NCAM2: variants seen among roughly 807,000 people sequenced by gnomAD.
The protein encoded by NCAM2 is N-CAM-2.
NCAM2 carries 30 observed loss-of-function variants against 98.1 expected under a neutral mutation model. The ratio of observed to expected loss-of-function variants is 0.31; its 90% CI spans 0.23 to 0.41. The LOEUF (loss-of-function observed/expected upper bound fraction) is 0.41, where lower values mean the gene tolerates loss of function less well. Ranked by LOEUF, NCAM2 falls within the 10% of genes least tolerant of loss-of-function variation. NCAM2 has a pLI of 1.00. For synonymous variants in NCAM2, 368 were observed against 342.4 expected, an observed-to-expected ratio of 1.07 and a Z score of -0.83; for missense variants, 867 against 1,005.8, an observed-to-expected ratio of 0.86 and a Z score of 1.87.
chr21:21,049,882 A>G (rs879259096), intron 1 of NCAM2, among the ~76,000 whole-genome samples: 35 of 152,206 alleles, frequency 2.3e-4, no homozygotes, highest in Admixed American at 5.9e-4. Flanking sequence ...AAAAAAAAAA[A>G]AATTGTTAAT....
At chr21:21,075,761 A>C (rs1468522947) in intron 1 of NCAM2, among the ~76,000 whole-genome samples, 1 of 152,214 alleles carries the variant, frequency 6.6e-6, no homozygotes, top group Non-Finnish European at 1.5e-5. Flanking sequence ...CGAAATAAAC[A>C]TATAGTTTTT....
chr21:21,168,961 G>A (rs538731702), intron 1 of NCAM2, among the ~76,000 whole-genome samples: 12 of 152,160 alleles, frequency 7.9e-5, no homozygotes, highest in Admixed American at 5.9e-4. Context: ...CATGTGGAGA[G>A]GCAAAAGACC....
At chr21:21,190,014 G>C (rs1239188993) in intron 1 of NCAM2, among the ~76,000 whole-genome samples, 2 of 152,190 alleles carry the variant, frequency 1.3e-5, no homozygotes, top group Admixed American at 1.3e-4. Flanking sequence ...CAGCTGCTAA[G>C]TTGCGATCAT....
intron 8 of NCAM2, among the ~76,000 whole-genome samples, chr21:21,343,760 A>G (rs920709723): frequency 9.2e-5 from 14 of 152,162 alleles, no homozygotes; most frequent in African/African-American, 3.4e-4. Flanking sequence ...GTGAGGACCA[A>G]AGTGCTCTGT....
intron 11 of NCAM2, among the ~76,000 whole-genome samples, chr21:21,422,709 A>T (rs925822651): frequency 2.0e-5 from 3 of 152,172 alleles, no homozygotes; most frequent in African/African-American, 7.2e-5. Flanking sequence ...CCAAATATTA[A>T]CTAGAAATAT....
chr21:21,071,872 T>TATCC (rs2065573415), intron 1 of NCAM2, among the ~76,000 whole-genome samples: 1 of 7,184 alleles, frequency 1.4e-4, no homozygotes, highest in African/African-American at 2.9e-4. Context: ...CATGTCTGCC[T>TATCC]ATCTATCTAT....
chr21:21,159,947 G>A (rs1162418680), intron 1 of NCAM2, among the ~76,000 whole-genome samples: 1 of 152,018 alleles, frequency 6.6e-6, no homozygotes, highest in East Asian at 1.9e-4. Flanking sequence ...TACTGGGAAA[G>A]AAAGAGCCCC....
At chr21:21,261,159 C>T (rs557554649) in intron 1 of NCAM2, among the ~76,000 whole-genome samples, 18 of 152,020 alleles carry the variant, frequency 1.2e-4, no homozygotes, top group Non-Finnish European at 2.5e-4. Flanking sequence ...ATTTAACTGT[C>T]CTAGATATGT....
Position 21,542,289 on chromosome 21 carries a change from T to G in NCAM2, c.*4332T>G, listed in dbSNP as rs1357769776. The G allele has an allele frequency of 6.6e-6, 1 of 151,786 alleles. No individual in the cohort carries two copies. Among genetic ancestry groups the G allele is most frequent in the Non-Finnish European group, 1.5e-5 (1 of 67,814 alleles). The allele number at this position is 151,786 out of a possible 1,614,324, so 9.4% of individuals were successfully genotyped here. ...ACAATTATACAAGAATGCGAATAGA[T>G]TAATTATATCTTCTCATATAAAGGC... On this transcript the variant is annotated 3_prime_UTR_variant, in exon 18 of 18. Transcript: ENST00000400546.
intron 9 of NCAM2, among the ~76,000 whole-genome samples, chr21:21,390,312 A>G (rs1434174719): frequency 6.6e-6 from 1 of 152,126 alleles, no homozygotes; most frequent in Non-Finnish European, 1.5e-5. Context: ...GCCATTGTCT[A>G]TATTAGACAG....
intron 1 of NCAM2, among the ~76,000 whole-genome samples, chr21:21,016,655 G>T (rs73228195): frequency 0.047 from 7,225 of 152,154 alleles, 215 homozygotes; most frequent in Non-Finnish European, 0.058. Flanking sequence ...CTTGCTTTGT[G>T]AACAGGCTAT....
intron 10 of NCAM2, among the ~76,000 whole-genome samples, chr21:21,412,435 T>C (rs549886699): frequency 8.9e-6 from 1 of 112,300 alleles, no homozygotes; most frequent in Non-Finnish European, 2.1e-5. Context: ...CCATAGAAAG[T>C]AGATTGAATT....
At position 21,543,319 on chromosome 21, in the gene NCAM2, T is replaced by G. The variant is rs575428204; in HGVS notation, c.*5362T>G. On this transcript the variant is annotated 3_prime_UTR_variant, in exon 18 of 18. Transcript: ENST00000400546. ...ATTTGTATATTAATAGTAAAGATAC[T>G]TTTACTTTAATAAAGTGTTGCATTT... 6.7e-6 allele frequency: 1 copy of G among 149,032 alleles called. No individual in the cohort carries two copies. The highest frequency in any genetic ancestry group is 1.5e-5 in the Non-Finnish European group (1 of 67,574). 9.2% of individuals were successfully genotyped at this position (149,032 alleles called of 1,614,324 possible).
intron 12 of NCAM2, among the ~76,000 whole-genome samples, chr21:21,456,696 T>C (rs73216007): frequency 0.14 from 20,774 of 152,156 alleles, 1,438 homozygotes; most frequent in Non-Finnish European, 0.14. Context: ...TCAAAATTTA[T>C]ATATTGAAAC....
chr21:20,998,771 C>T (rs2063966261), intron 1 of NCAM2, among the ~76,000 whole-genome samples, 153 bp downstream of exon 1: 1 of 152,316 alleles, frequency 6.6e-6, no homozygotes, highest in African/African-American at 2.4e-5. Flanking sequence ...TTTCTCCTAG[C>T]TGTCCCTAAA....
At chr21:21,166,923 T>A (rs759411536) in intron 1 of NCAM2, among the ~76,000 whole-genome samples, 12 of 152,202 alleles carry the variant, frequency 7.9e-5, no homozygotes, top group Non-Finnish European at 1.6e-4. Flanking sequence ...AAATTCAGAC[T>A]AAACGCCATT....
chr21:21,457,863 T>C (rs1371027296), intron 12 of NCAM2, among the ~76,000 whole-genome samples: 1 of 152,170 alleles, frequency 6.6e-6, no homozygotes, highest in Non-Finnish European at 1.5e-5. Context: ...TGCAGAACTT[T>C]TTACCGTATC....
chr21:21,030,408 G>T (rs1029577019), intron 1 of NCAM2, among the ~76,000 whole-genome samples: 2 of 152,088 alleles, frequency 1.3e-5, no homozygotes, highest in Non-Finnish European at 2.9e-5. Context: ...TTATCTTACT[G>T]TTCTATAGGT....
intron 15 of NCAM2, among the ~76,000 whole-genome samples, chr21:21,491,053 T>C (rs1986809074): frequency 6.6e-6 from 1 of 151,860 alleles, no homozygotes; most frequent in African/African-American, 2.4e-5. Context: ...TCTAACTTGA[T>C]CAAATTTAAT....
Sources: allele counts gnomAD v4.1 joint callset (sites outside exome capture counted in the v4.1 genomes callset), GRCh38; gene constraint gnomAD v4.1.1; transcripts MANE v1.5; gene names NCBI Gene and HGNC (gene_info 2026-07-23, HGNC 2026-07-21).